Variants in PRKCA observed in about 807,000 individuals in gnomAD.
PRKCA encodes the protein protein kinase C alpha, also known as protein kinase C alpha type.
PRKCA carries 27 observed loss-of-function variants against 87.0 expected under a neutral mutation model. The observed-to-expected ratio is 0.31, with a 90% CI of 0.23 to 0.43. The LOEUF (loss-of-function observed/expected upper bound fraction) is 0.43. PRKCA is among the 20% of genes least tolerant of loss of function. The pLI, the probability that PRKCA is intolerant of heterozygous loss-of-function variation, is 1.00. For synonymous variants in PRKCA, 329 were observed against 311.1 expected (o/e 1.06, Z -0.61); for missense variants, 518 against 852.3 (o/e 0.61, Z 4.88).
intron 9 of PRKCA, among the ~76,000 whole-genome samples, chr17:66,735,068 G>A (rs774488230): frequency 3.9e-5 from 6 of 152,194 alleles, no homozygotes; most frequent in African/African-American, 7.2e-5. Context: ...TTCGGTTTCT[G>A]TGGCCCCACA....
chr17:66,348,102 C>T (rs902620275), intron 2 of PRKCA, among the ~76,000 whole-genome samples: 10 of 151,654 alleles, frequency 6.6e-5, no homozygotes, highest in East Asian at 1.9e-4. Flanking sequence ...CCACCACGCC[C>T]GGCTAATTTT....
intron 2 of PRKCA, among the ~76,000 whole-genome samples, chr17:66,418,421 A>T (rs1271833943): frequency 6.6e-6 from 1 of 150,770 alleles, no homozygotes; most frequent in Non-Finnish European, 1.5e-5. Flanking sequence ...AGTCATATCC[A>T]TTTGTCATTT....
chr17:66,304,085 A>C (rs1032648674), intron 1 of PRKCA, among the ~76,000 whole-genome samples: 1 of 152,184 alleles, frequency 6.6e-6, no homozygotes, highest in Non-Finnish European at 1.5e-5. Flanking sequence ...TAAGAAAAAT[A>C]ATATAAGGGC....
rs1242479765 is a variant in PRKCA at position 66,809,866 on chromosome 17, TG to T, written c.*5831del. 6.6e-6 allele frequency: 1 copy of T among 152,232 alleles called. No homozygotes were observed. The highest frequency in any genetic ancestry group is 1.5e-5 in the Non-Finnish European group (1 of 68,042). 9.4% of individuals were successfully genotyped at this position (152,232 alleles called of 1,614,324 possible). A position where few individuals can be genotyped will look rare whatever the true frequency, so the allele number is the denominator to read the frequency against. On this transcript the variant is annotated 3_prime_UTR_variant, in exon 17 of 17. Coordinates refer to ENST00000413366, the MANE Select transcript of PRKCA (RefSeq NM_002737.3). ...TCCGTGAGGCTCTGTGGCCATCTTT[TG>T]GCAGGAGGAGGATGCTTCCTTGGCT...
intron 2 of PRKCA, among the ~76,000 whole-genome samples, chr17:66,342,436 AAAATAAATAATAATAAT>A (rs1907092120): frequency 9.1e-6 from 1 of 110,092 alleles, no homozygotes; most frequent in African/African-American, 3.6e-5. Flanking sequence ...AAAATAAAAT[AAAATAAATAATAATAAT>A]AATAATAATA....
At chr17:66,496,774 GCTGGCA>G (rs1197620414) in intron 3 of PRKCA, among the ~76,000 whole-genome samples, 3 of 152,018 alleles carry the variant, frequency 2.0e-5, no homozygotes, top group Admixed American at 6.6e-5. Flanking sequence ...CTCCTGAGTA[GCTGGCA>G]CTATAGATGT....
chr17:66,321,662 G>A (rs1429358509), intron 2 of PRKCA, among the ~76,000 whole-genome samples: 1 of 152,130 alleles, frequency 6.6e-6, no homozygotes, highest in Non-Finnish European at 1.5e-5. Flanking sequence ...TCCTGCGTCA[G>A]CCTCCCAAGT....
intron 13 of PRKCA, among the ~76,000 whole-genome samples, chr17:66,746,864 A>G (rs999197761): frequency 6.6e-6 from 1 of 152,156 alleles, no homozygotes; most frequent in African/African-American, 2.4e-5. Flanking sequence ...CATCTCTGAA[A>G]CTTAGTTATT....
chr17:66,388,356 G>T (rs890051700), intron 2 of PRKCA, among the ~76,000 whole-genome samples: 1 of 151,500 alleles, frequency 6.6e-6, no homozygotes, highest in South Asian at 2.1e-4. Context: ...GTGTAATGGC[G>T]CCATCTCAGC....
At chr17:66,351,193 A>G (rs1907722204) in intron 2 of PRKCA, among the ~76,000 whole-genome samples, 1 of 152,172 alleles carries the variant, frequency 6.6e-6, no homozygotes, top group African/African-American at 2.4e-5. Context: ...GAATGAGTAC[A>G]GCCGAATTTC....
intron 3 of PRKCA, among the ~76,000 whole-genome samples, chr17:66,611,537 A>G (rs893108690): frequency 2.0e-5 from 3 of 152,218 alleles, no homozygotes; most frequent in Non-Finnish European, 2.9e-5. Flanking sequence ...TAATGGCCTA[A>G]TAATACTCCA....
intron 13 of PRKCA, among the ~76,000 whole-genome samples, chr17:66,754,744 G>C (rs1478989704): frequency 6.6e-6 from 1 of 152,068 alleles, no homozygotes; most frequent in Non-Finnish European, 1.5e-5. Flanking sequence ...GATGATGTGG[G>C]GTGGGCCATG....
intron 3 of PRKCA, among the ~76,000 whole-genome samples, chr17:66,525,869 G>GA (rs1967331543): frequency 6.6e-6 from 1 of 151,870 alleles, no homozygotes. Flanking sequence ...CAATTCAGAA[G>GA]AAGGTCTGGG....
chr17:66,516,986 A>G (rs1020294112), intron 3 of PRKCA, among the ~76,000 whole-genome samples: 7 of 151,822 alleles, frequency 4.6e-5, no homozygotes, highest in African/African-American at 2.4e-5. Context: ...GCTAATTTGT[A>G]CTCTTTCTTC....
At chr17:66,587,849 A>ATG (rs1263264160) in intron 3 of PRKCA, among the ~76,000 whole-genome samples, 4 of 125,076 alleles carry the variant, frequency 3.2e-5, no homozygotes, top group Non-Finnish European at 5.2e-5. Flanking sequence ...GTGTATCTAC[A>ATG]TATACATATA....
At position 66,804,064 on chromosome 17, in the gene PRKCA, C is replaced by T. The variant is rs1360679310; in HGVS notation, c.*27C>T. On this transcript the variant is annotated 3_prime_UTR_variant, in exon 17 of 17. Coordinates refer to ENST00000413366, the MANE Select transcript of PRKCA (RefSeq NM_002737.3). ...ACTCACCAGCGAGAACAAACACCTC[C>T]CCAGCCCCCAGCCCTCCCCGCAGTG... The T allele has an allele frequency of 1.3e-6, 2 of 1,585,556 alleles. No individual in the cohort carries two copies. The highest frequency in any genetic ancestry group is 1.3e-5 in the African/African-American group (1 of 74,250).
At chr17:66,331,176 C>T (rs771066150) in intron 2 of PRKCA, among the ~76,000 whole-genome samples, 3 of 152,118 alleles carry the variant, frequency 2.0e-5, no homozygotes, top group Non-Finnish European at 2.9e-5. Context: ...GGGGATGTGG[C>T]TGTCTTAGCT....
At chr17:66,581,517 C>T (rs1294042404) in intron 3 of PRKCA, among the ~76,000 whole-genome samples, 1 of 152,042 alleles carries the variant, frequency 6.6e-6, no homozygotes, top group African/African-American at 2.4e-5. Context: ...TCTCTGTCCC[C>T]CAGGCTGGAG....
intron 3 of PRKCA, among the ~76,000 whole-genome samples, chr17:66,606,694 A>G (rs7221297): frequency 0.026 from 3,942 of 152,276 alleles, 153 homozygotes; most frequent in East Asian, 0.15. Flanking sequence ...ATATTTTTCT[A>G]TGTTTCAGGT....
Sources: allele counts gnomAD v4.1 joint callset (sites outside exome capture counted in the v4.1 genomes callset), GRCh38; gene constraint gnomAD v4.1.1; transcripts MANE v1.5; gene names NCBI Gene and HGNC (gene_info 2026-07-23, HGNC 2026-07-21).